The following SENP7 variants were observed in gnomAD, a reference collection of about 807,000 sequenced individuals.
The protein encoded by SENP7 is SUMO specific peptidase 7.
Under a neutral mutation model 141.2 loss-of-function variants are expected in SENP7, and 64 were observed. The ratio of observed to expected loss-of-function variants is 0.45; its 90% confidence interval spans 0.37 to 0.56. The LOEUF is 0.56. Ranked by LOEUF, SENP7 falls within the 20% of genes least tolerant of loss-of-function variation. SENP7 has a pLI of 0.00. For missense variants in SENP7, 1,025 were observed against 1,212.2 expected, an observed-to-expected ratio of 0.85 and a Z score of 2.29; for synonymous variants, 382 against 426.4, an observed-to-expected ratio of 0.90 and a Z score of 1.28.
At position 101,461,646 on chromosome 3, in the gene SENP7, CAT is replaced by C. The variant is rs548181807; in HGVS notation, c.187-2596_187-2595del. Among the ~76,000 whole-genome samples, 48 of 150,404 alleles carry C rather than the reference CAT, an allele frequency of 3.2e-4. No individual in the cohort carries two copies. The South Asian group carries it at 6.9e-3, about 22-fold the overall frequency. The stretch of plus-strand genomic sequence containing the variant: ...CGATAACTTAAACATAAAATTACCA[CAT>C]GACACAGCAATTCTCACCCTAAGTA... On this transcript the variant is annotated intron_variant, in intron 3 of 23. Coordinates refer to ENST00000394095, the MANE Select transcript of SENP7 (RefSeq NM_020654.5).
At chr3:101,391,328 T>C (rs1456362390) in intron 6 of SENP7, among the ~76,000 whole-genome samples, 1 of 119,522 alleles carries the variant, frequency 8.4e-6, no homozygotes, top group East Asian at 2.4e-4. Flanking sequence ...CAAAAATCAC[T>C]GGCTACACCA....
At chr3:101,406,503 A>C (rs2061311284) in intron 5 of SENP7, among the ~76,000 whole-genome samples, 1 of 152,074 alleles carries the variant, frequency 6.6e-6, no homozygotes, top group African/African-American at 2.4e-5. Context: ...TAATGGGTGC[A>C]GCACACCAAC....
intron 5 of SENP7, among the ~76,000 whole-genome samples, chr3:101,415,278 T>C (rs1323057220): frequency 2.0e-5 from 3 of 152,228 alleles, no homozygotes; most frequent in Non-Finnish European, 2.9e-5. Context: ...TGTACATTTC[T>C]TAAAATTATT....
chr3:101,380,193 T>C (rs2060456395), intron 6 of SENP7, among the ~76,000 whole-genome samples: 1 of 152,120 alleles, frequency 6.6e-6, no homozygotes, highest in African/African-American at 2.4e-5. Context: ...GGAGTTCCTG[T>C]TTCATAGATA....
rs1013351584 is a variant in SENP7, at chr3:101,375,951, C to G, written c.678-3825G>C. 3.3e-5 allele frequency among the ~76,000 whole-genome samples: 5 copies of G among 152,050 alleles called. No individual in the cohort carries two copies. In the South Asian group the frequency reaches 6.2e-4, roughly 19 times the overall value. On this transcript the variant is annotated intron_variant, in intron 6 of 23. Coordinates refer to ENST00000394095, the MANE Select transcript of SENP7 (RefSeq NM_020654.5). ...GAGACAGAAAGTAGATTAGAGGCTA[C>G]TAGGGGATTAGGAGAGGGGAGAATG...
At position 101,468,820 on chromosome 3, in the gene SENP7, C is replaced by T. The variant is rs905887138; in HGVS notation, c.187-9768G>A. On this transcript the variant is annotated intron_variant, in intron 3 of 23. Transcript: ENST00000394095. ...ATAAATTAACGGGCAAAATAACCAG[C>T]GAACATCATAATGACAGGATCAAAT... Among the ~76,000 whole-genome samples, 108 of 152,056 alleles carry T rather than the reference C, an allele frequency of 7.1e-4. 2 individuals carry two copies. The highest frequency in any genetic ancestry group is 6.8e-3 in the Admixed American group (103 of 15,250).
chr3:101,434,200 T>C (rs947384589), intron 4 of SENP7, among the ~76,000 whole-genome samples: 6 of 152,058 alleles, frequency 3.9e-5, no homozygotes, highest in South Asian at 4.1e-4. Context: ...AATGAAGACA[T>C]TAAGAAAGAA....
chr3:101,326,725 A>G (rs1207140190), intron 23 of SENP7, among the ~76,000 whole-genome samples: 1 of 152,160 alleles, frequency 6.6e-6, no homozygotes, highest in Non-Finnish European at 1.5e-5. Context: ...GAGCTTCTTG[A>G]ATAAACAGAT....
chr3:101,429,352 G>A (rs2062076300), intron 4 of SENP7, among the ~76,000 whole-genome samples: 1 of 152,008 alleles, frequency 6.6e-6, no homozygotes, highest in African/African-American at 2.4e-5. Context: ...ATTTGTTTGT[G>A]TCCTCTTTTA....
At chr3:101,379,686 C>A (rs572177275) in intron 6 of SENP7, among the ~76,000 whole-genome samples, 5 of 152,036 alleles carry the variant, frequency 3.3e-5, no homozygotes, top group Non-Finnish European at 7.4e-5. Flanking sequence ...CAAGTATTGG[C>A]GAGATATGGA....
chr3:101,444,858 A>G (rs904448241), intron 4 of SENP7, among the ~76,000 whole-genome samples: 1 of 151,998 alleles, frequency 6.6e-6, no homozygotes, highest in African/African-American at 2.4e-5. Context: ...TAACCTGCAC[A>G]TTGTGCACAT....
chr3:101,393,950 C>T (rs2107555218), intron 6 of SENP7, among the ~76,000 whole-genome samples: 1 of 152,330 alleles, frequency 6.6e-6, no homozygotes, highest in South Asian at 2.1e-4. Flanking sequence ...AAGTATTTAT[C>T]ATTTCCATGT....
chr3:101,331,718 A>C (rs1019008577), intron 19 of SENP7, among the ~76,000 whole-genome samples: 1 of 152,106 alleles, frequency 6.6e-6, no homozygotes, highest in African/African-American at 2.4e-5. Flanking sequence ...GATGTTGGTC[A>C]TATTAGTTAT....
At chr3:101,361,238 A>T (rs2107346509) in intron 11 of SENP7, among the ~76,000 whole-genome samples, 1 of 151,930 alleles carries the variant, frequency 6.6e-6, no homozygotes, top group East Asian at 1.9e-4. Context: ...AAAATAGAGA[A>T]CCGAGTAGAA....
At chr3:101,470,368 G>A (rs906894014) in intron 3 of SENP7, among the ~76,000 whole-genome samples, 1 of 152,102 alleles carries the variant, frequency 6.6e-6, no homozygotes, top group Non-Finnish European at 1.5e-5. Flanking sequence ...ATCAATAAAC[G>A]TAATGCATCA....
chr3:101,447,533 C>A (rs757207038), intron 4 of SENP7, among the ~76,000 whole-genome samples: 8 of 151,294 alleles, frequency 5.3e-5, no homozygotes, highest in Non-Finnish European at 1.0e-4. Context: ...ATAAACTTAA[C>A]AAAAAAAAGT....
In SENP7 at chr3:101,513,086, C is replaced by G; in HGVS notation, c.40+5G>C. On this transcript the variant is annotated splice_donor_5th_base_variant and intron_variant, in intron 1 of 23. Transcript: ENST00000394095. ...ATGTTCAGCCCTTCTCTGACCCTTT[C>G]TCACCGGATGAAGATGGCCGTCGCC... is the stretch of plus-strand genomic sequence containing the variant. 1 of 1,613,892 alleles carries G rather than the reference C, an allele frequency of 6.2e-7. No homozygotes were observed. Among genetic ancestry groups the G allele is most frequent in the Non-Finnish European group, 8.5e-7 (1 of 1,179,924 alleles).
chr3:101,486,394 A>C (rs2064731550), intron 3 of SENP7, among the ~76,000 whole-genome samples: 1 of 152,226 alleles, frequency 6.6e-6, no homozygotes, highest in South Asian at 2.1e-4. Flanking sequence ...AACCTATCAG[A>C]TTAACAGTGG....
intron 16 of SENP7, among the ~76,000 whole-genome samples, chr3:101,339,502 C>T (rs2059274171): frequency 6.6e-6 from 1 of 152,102 alleles, no homozygotes. Flanking sequence ...GGGCAGATCA[C>T]CTGAGGTCAG....
Sources: gnomAD v4.1 joint callset for allele counts (sites outside exome capture counted in the v4.1 genomes callset) on GRCh38, gnomAD v4.1.1 for gene constraint, MANE v1.5 for transcripts, NCBI Gene and HGNC (gene_info 2026-07-23, HGNC 2026-07-21) for gene names.